Variants in ABR observed in about 807,000 individuals in gnomAD.
ABR encodes the protein active breakpoint cluster region-related protein.
In ABR, 35 loss-of-function variants were observed where a neutral mutation model predicts 107.2. That is an observed-to-expected ratio of 0.33 (90% CI 0.25 to 0.43). ABR has a LOEUF of 0.43. Ranked by LOEUF, ABR falls within the 20% of genes least tolerant of loss-of-function variation. The pLI, the probability that ABR is intolerant of heterozygous loss-of-function variation, is 1.00. For missense variants in ABR, 815 were observed against 1,115.2 expected (o/e 0.73, Z 3.83); for synonymous variants, 498 against 462.0 (o/e 1.08, Z -1.00).
At chr17:1,163,026 C>G (rs1326922657) in intron 1 of ABR, among the ~76,000 whole-genome samples, 1 of 152,198 alleles carries the variant, frequency 6.6e-6, no homozygotes, top group African/African-American at 2.4e-5. Context: ...GAGCCGAGAT[C>G]CTGCCATTGC....
At chr17:1,061,324 C>T (rs2033899704) in intron 10 of ABR, among the ~76,000 whole-genome samples, 1 of 152,140 alleles carries the variant, frequency 6.6e-6, no homozygotes, top group Non-Finnish European at 1.5e-5. Flanking sequence ...TGGGCAGGGC[C>T]CAGCCGTTCA....
intron 16 of ABR, among the ~76,000 whole-genome samples, chr17:1,035,263 T>A (rs1275364829): frequency 2.0e-5 from 3 of 151,280 alleles, no homozygotes; most frequent in African/African-American, 4.9e-5. Flanking sequence ...CTCTGCTGGG[T>A]TCAGCTCAGG....
At chr17:1,220,005 A>G (rs1426193154) in intron 1 of ABR, among the ~76,000 whole-genome samples, 3 of 151,284 alleles carry the variant, frequency 2.0e-5, no homozygotes, top group Non-Finnish European at 3.0e-5. Flanking sequence ...TAAAAATTTT[A>G]AAGTGGCCGG....
At chr17:1,048,766 A>G (rs1391308781) in intron 16 of ABR, among the ~76,000 whole-genome samples, 1 of 144,532 alleles carries the variant, frequency 6.9e-6, no homozygotes, top group Non-Finnish European at 1.5e-5. Context: ...CTCGGCGCCC[A>G]GCTGCGCCTG....
chr17:1,018,587 G>GA (rs2071384858), intron 16 of ABR, among the ~76,000 whole-genome samples: 1 of 152,186 alleles, frequency 6.6e-6, no homozygotes, highest in Non-Finnish European at 1.5e-5. Context: ...GTCTCAGGGG[G>GA]ACCTGGACAC....
At chr17:1,075,916 C>T (rs544861849) in intron 6 of ABR, among the ~76,000 whole-genome samples, 5 of 152,218 alleles carry the variant, frequency 3.3e-5, no homozygotes, top group African/African-American at 1.2e-4. Context: ...GTGGCAGGCG[C>T]CTATAATCCC....
At chr17:1,172,689 C>T (rs1247527201) in intron 1 of ABR, among the ~76,000 whole-genome samples, 1 of 151,922 alleles carries the variant, frequency 6.6e-6, no homozygotes, top group Non-Finnish European at 1.5e-5. Flanking sequence ...GTGGAGGTTG[C>T]AGTGGAGCCG....
At chr17:1,101,987 CCTCCCAAAGTGCT>C in intron 2 of ABR, among the ~76,000 whole-genome samples, 1 of 152,144 alleles carries the variant, frequency 6.6e-6, no homozygotes, top group Non-Finnish European at 1.5e-5. Flanking sequence ...CCCGCCTTGG[CCTCCCAAAGTGCT>C]GGGATTACAG....
intron 1 of ABR, among the ~76,000 whole-genome samples, chr17:1,129,378 A>G (rs2039729176): frequency 6.6e-6 from 1 of 151,928 alleles, no homozygotes; most frequent in South Asian, 2.1e-4. Context: ...CTGGCTACAA[A>G]AAAATTAGCC....
intron 1 of ABR, among the ~76,000 whole-genome samples, chr17:1,130,420 C>T (rs1356046906): frequency 6.6e-6 from 1 of 151,920 alleles, no homozygotes; most frequent in East Asian, 1.9e-4. Flanking sequence ...AATTCCAGCA[C>T]CCTCCCCACA....
At chr17:1,156,642 C>T (rs1218874281) in intron 1 of ABR, among the ~76,000 whole-genome samples, 2 of 152,018 alleles carry the variant, frequency 1.3e-5, no homozygotes, top group Non-Finnish European at 2.9e-5. Context: ...GGAGATCGTG[C>T]CACTGCACTC....
chr17:1,073,776 C>G lies in ABR; in HGVS notation c.701-99G>C, dbSNP rs112454275. On this transcript the variant is annotated intron_variant, in intron 6 of 22. Coordinates refer to ENST00000302538, the MANE Select transcript of ABR (RefSeq NM_021962.5). ...CGTCCCCCCACCCGCATGCTTCCCA[C>G]GTGAACACCCCTCGAGGGACACCAG... 5.8e-4 allele frequency: 624 copies of G among 1,076,960 alleles called. 4 individuals are homozygous for G. In the African/African-American group the frequency reaches 8.1e-3, roughly 14 times the overall value. The allele number at this position is 1,076,960 out of a possible 1,614,324, so 66.7% of individuals were successfully genotyped here.
Position 1,150,058 on chromosome 17 carries a change from G to C in ABR, c.62-24691C>G, listed in dbSNP as rs1481936817. Among the ~76,000 whole-genome samples, 1 of 152,070 alleles carries C rather than the reference G, an allele frequency of 6.6e-6. No individual in the cohort carries two copies. Among genetic ancestry groups the C allele is most frequent in the Non-Finnish European group, 1.5e-5 (1 of 68,022 alleles). On this transcript the variant is annotated intron_variant, in intron 1 of 22. Transcript: ENST00000302538. The surrounding 1 kb of genome is among the most constrained non-coding windows in gnomAD (Gnocchi z 4.8). ...CGTCACTGACGTTGTCACTGCTGTT[G>C]TCCCTGTTGTTATGATTTCTCCCCA...
intron 10 of ABR, 141 bp from the exon 11 acceptor site, chr17:1,059,008 A>T: frequency 7.9e-7 from 1 of 1,272,908 alleles, no homozygotes. Flanking sequence ...TTGTGGCAGG[A>T]GAGGCGGGTA....
At chr17:1,115,340 A>G (rs1212812014) in intron 2 of ABR, 1 of 152,268 alleles carries the variant, frequency 6.6e-6, no homozygotes, top group Non-Finnish European at 1.5e-5. Flanking sequence ...GGCCTTTAAC[A>G]ACGGCAGGTC....
At chr17:1,144,980 G>A (rs570336456) in intron 1 of ABR, among the ~76,000 whole-genome samples, 8 of 151,918 alleles carry the variant, frequency 5.3e-5, no homozygotes, top group South Asian at 4.2e-4. Flanking sequence ...ATGGTGCCAC[G>A]GCACTCCAGC....
At chr17:1,043,448 C>T (rs926936925) in intron 16 of ABR, among the ~76,000 whole-genome samples, 6 of 152,146 alleles carry the variant, frequency 3.9e-5, no homozygotes, top group East Asian at 1.9e-4. Context: ...GGATTACAGG[C>T]GTGAGCCACC....
intron 7 of ABR, 47 bp downstream of exon 7, chr17:1,073,578 A>T: frequency 6.9e-7 from 1 of 1,439,844 alleles, no homozygotes; most frequent in Non-Finnish European, 9.4e-7. Context: ...TCAGTCTTCC[A>T]CTGAACTCCT....
At chr17:1,049,879 A>T (rs2032252943) in intron 16 of ABR, 171 bp downstream of exon 16, 1 of 917,170 alleles carries the variant, frequency 1.1e-6, no homozygotes, top group East Asian at 2.5e-5. Context: ...TTCCGGGGCC[A>T]CAACAGGCAG....
Sources: gnomAD v4.1 joint callset for allele counts (sites outside exome capture counted in the v4.1 genomes callset) on GRCh38, gnomAD v4.1.1 for gene constraint, Gnocchi (gnomAD v3.1) non-coding constraint, MANE v1.5 for transcripts, NCBI Gene and HGNC (gene_info 2026-07-23, HGNC 2026-07-21) for gene names.